MAST2: variants seen among roughly 807,000 people sequenced by gnomAD.
MAST2 encodes microtubule-associated serine/threonine-protein kinase 2.
MAST2 carries 70 observed loss-of-function variants against 147.4 expected under a neutral mutation model. The ratio of observed to expected loss-of-function variants is 0.47; its 90% CI spans 0.39 to 0.58. The LOEUF is 0.58. MAST2 is among the 20% of genes least tolerant of loss of function. The probability of loss-of-function intolerance (pLI) is 0.00; values close to 1 mark genes in which losing one functional copy is unlikely to be tolerated. For synonymous variants in MAST2, 869 were observed against 896.8 expected (o/e 0.97, Z 0.55); for missense variants, 2,080 against 2,302.3 (o/e 0.90, Z 1.98).
intron 3 of MAST2, among the ~76,000 whole-genome samples, chr1:45,871,634 A>G (rs1646398370): frequency 6.6e-6 from 1 of 152,172 alleles, no homozygotes. Flanking sequence ...TTTAAGAATG[A>G]GATGTTACAG....
intron 1 of MAST2, among the ~76,000 whole-genome samples, chr1:45,820,130 G>A (rs1490349562): frequency 6.6e-6 from 1 of 152,104 alleles, no homozygotes; most frequent in Non-Finnish European, 1.5e-5. Context: ...CGGAAAACTG[G>A]AAATCTATAT....
At chr1:45,870,476 CATTTTGTTT>C (rs1418028640) in intron 3 of MAST2, among the ~76,000 whole-genome samples, 1 of 149,774 alleles carries the variant, frequency 6.7e-6, no homozygotes, top group African/African-American at 2.4e-5. Context: ...AGAGTTTGTC[CATTTTGTTT>C]ATTTTGTTAT....
intron 4 of MAST2, among the ~76,000 whole-genome samples, chr1:45,899,207 C>T (rs1295171508): frequency 6.6e-6 from 1 of 151,724 alleles, no homozygotes; most frequent in Non-Finnish European, 1.5e-5. Context: ...AACCAAACAG[C>T]TCTTGATCAA....
intron 4 of MAST2, among the ~76,000 whole-genome samples, chr1:45,931,179 T>C (rs916219736): frequency 6.6e-6 from 1 of 152,220 alleles, no homozygotes; most frequent in Non-Finnish European, 1.5e-5. Context: ...TTACTGTTAT[T>C]CGTCTTCTAT....
intron 3 of MAST2, among the ~76,000 whole-genome samples, chr1:45,863,196 G>C (rs1245506851): frequency 2.0e-5 from 3 of 152,028 alleles, no homozygotes; most frequent in Admixed American, 6.5e-5. Flanking sequence ...TGATTACCGG[G>C]TTGAATAAAT....
intron 1 of MAST2, among the ~76,000 whole-genome samples, chr1:45,806,843 C>T (rs1359547983): frequency 6.6e-6 from 1 of 152,192 alleles, no homozygotes. Context: ...TCCCAAAGTG[C>T]TGGGATTACA....
intron 4 of MAST2, among the ~76,000 whole-genome samples, chr1:45,917,880 T>A (rs913730713): frequency 2.4e-4 from 36 of 152,214 alleles, no homozygotes; most frequent in African/African-American, 8.4e-4. Flanking sequence ...GATGGGAAAA[T>A]TTGAGTCCAA....
intron 3 of MAST2, among the ~76,000 whole-genome samples, chr1:45,863,397 G>A (rs568801228): frequency 9.9e-5 from 15 of 152,124 alleles, no homozygotes; most frequent in South Asian, 6.2e-4. Context: ...TAATCCAGCC[G>A]TTAGTTATTC....
At chr1:45,814,793 T>G (rs901929156) in intron 1 of MAST2, among the ~76,000 whole-genome samples, 4 of 152,126 alleles carry the variant, frequency 2.6e-5, no homozygotes, top group Admixed American at 2.6e-4. Flanking sequence ...ATCTCAAAAA[T>G]AAAAAGAAAA....
At chr1:45,890,601 T>C (rs1327788864) in intron 4 of MAST2, among the ~76,000 whole-genome samples, 1 of 152,222 alleles carries the variant, frequency 6.6e-6, no homozygotes, top group African/African-American at 2.4e-5. Flanking sequence ...TCATTTAACC[T>C]TAATTACTTC....
intron 16 of MAST2, among the ~76,000 whole-genome samples, chr1:46,026,379 TGA>T (rs1217162156): frequency 1.3e-5 from 2 of 151,820 alleles, no homozygotes; most frequent in African/African-American, 2.4e-5. Context: ...GCTTAGATGG[TGA>T]GAGAGTAGTA....
intron 4 of MAST2, among the ~76,000 whole-genome samples, chr1:45,923,005 C>T (rs568810067): frequency 2.6e-5 from 4 of 152,218 alleles, no homozygotes; most frequent in South Asian, 2.1e-4. Flanking sequence ...TGTGGGGTGC[C>T]GCTTTCACTT....
In MAST2 at chr1:45,860,607, G is replaced by A. The variant is rs546191797; in HGVS notation, c.469-21757G>A. Among the ~76,000 whole-genome samples, 13 of 151,684 alleles carry A rather than the reference G, an allele frequency of 8.6e-5. No homozygotes were observed. In the East Asian group the frequency reaches 1.6e-3, roughly 18 times the overall value. On this transcript the variant is annotated intron_variant, in intron 3 of 28. Coordinates refer to ENST00000361297, the MANE Select transcript of MAST2 (RefSeq NM_015112.3). The stretch of plus-strand genomic sequence containing the variant: ...AGCACTTTGGGAGGCCAAGGCAGGC[G>A]GATCACCTGAGGTCAGAAGTTTGAG...
chr1:46,021,819 T>A, intron 11 of MAST2, 131 bp from the exon 12 acceptor site: 1 of 824,208 alleles, frequency 1.2e-6, no homozygotes, highest in East Asian at 2.5e-5. Flanking sequence ...TTTCTGAATA[T>A]TCAGGGGTGG....
chr1:45,989,352 A>T (rs1383258016), intron 5 of MAST2, among the ~76,000 whole-genome samples: 1 of 152,204 alleles, frequency 6.6e-6, no homozygotes, highest in Admixed American at 6.5e-5. Context: ...TCCTTGAGAA[A>T]CAACTTTATC....
chr1:45,888,448 C>T lies in MAST2; in HGVS notation c.500+6053C>T, dbSNP rs551253123. Among the ~76,000 whole-genome samples, 34 of 152,008 alleles carry T rather than the reference C, an allele frequency of 2.2e-4. No individual in the cohort carries two copies. The East Asian group carries it at 5.0e-3, about 22-fold the overall frequency. ...CGCCATCTGGGCTCACTGCAAGCTC[C>T]GCCTCCCGGGTTCACACCATTCTCC... On this transcript the variant is annotated intron_variant, in intron 4 of 28. Coordinates refer to ENST00000361297, the MANE Select transcript of MAST2 (RefSeq NM_015112.3).
At chr1:45,837,786 A>AC (rs1645146709) in intron 3 of MAST2, among the ~76,000 whole-genome samples, 2 of 151,368 alleles carry the variant, frequency 1.3e-5, no homozygotes, top group East Asian at 3.9e-4. Context: ...ATTATCATAT[A>AC]TTTTTTTTTG....
At position 45,819,061 on chromosome 1, in the gene MAST2, C is replaced by G. The variant is rs1644539892; in HGVS notation, c.178-5372C>G. 2.0e-5 allele frequency among the ~76,000 whole-genome samples: 3 copies of G among 152,034 alleles called. No individual in the cohort carries two copies. The South Asian group carries it at 6.2e-4, about 32-fold the overall frequency. ...CAGAGTTCAGGAGTTCGAGACCAGC[C>G]TGACCAACATGGTGAAACCTTGTCT... On this transcript the variant is annotated intron_variant, in intron 1 of 28. Transcript: ENST00000361297.
intron 1 of MAST2, among the ~76,000 whole-genome samples, chr1:45,804,505 TTC>T (rs1427935339): frequency 6.6e-6 from 1 of 152,224 alleles, no homozygotes; most frequent in Non-Finnish European, 1.5e-5. Context: ...CTCCCAAGCA[TTC>T]TCTGATTTGG....
Sources: allele counts gnomAD v4.1 joint callset (sites outside exome capture counted in the v4.1 genomes callset), GRCh38; gene constraint gnomAD v4.1.1; transcripts MANE v1.5; gene names NCBI Gene and HGNC (gene_info 2026-07-23, HGNC 2026-07-21).